CNGB3: variants seen among roughly 807,000 people sequenced by gnomAD.
The protein encoded by CNGB3 is cyclic nucleotide-gated channel beta-3.
In CNGB3, 86 loss-of-function variants were observed where a neutral mutation model predicts 92.8. The ratio of observed to expected loss-of-function variants is 0.93; its 90% CI spans 0.78 to 1.11. The LOEUF (loss-of-function observed/expected upper bound fraction) is 1.11. Among genes scored for constraint, CNGB3 ranks in the 50% least tolerant of loss-of-function variants. CNGB3 has a pLI of 0.00. For synonymous variants in CNGB3, 333 were observed against 332.7 expected (o/e 1.00, Z -0.01); for missense variants, 1,026 against 956.8 (o/e 1.07, Z -0.95).
At chr8:86,603,962 C>T (rs1822361678) in intron 15 of CNGB3, 131 bp downstream of exon 15, 1 of 681,314 alleles carries the variant, frequency 1.5e-6, no homozygotes, top group Non-Finnish European at 2.6e-6. Flanking sequence ...ATATGAAAAT[C>T]CTTATTTTAC....
At chr8:86,588,581 A>G (rs1189016094) in intron 15 of CNGB3, among the ~76,000 whole-genome samples, 1 of 151,572 alleles carries the variant, frequency 6.6e-6, no homozygotes, top group Non-Finnish European at 1.5e-5. Flanking sequence ...CCTTTTCTGC[A>G]TCTATTGAGA....
chr8:86,707,933 G>A (rs1484265710), intron 3 of CNGB3: 1 of 152,254 alleles, frequency 6.6e-6, no homozygotes, highest in Non-Finnish European at 1.5e-5. Flanking sequence ...TGAGCAAAGA[G>A]AAGAATGAAG....
rs571952704 is a variant in CNGB3 at position 86,632,660 on chromosome 8, A to T, written c.1320+92T>A. The stretch of plus-strand genomic sequence containing the variant: ...TAGTTCAAAAAAAGAAGAACCAGAC[A>T]GATTTTAATTTTTCCTCCATAAAGT... On this transcript the variant is annotated intron_variant, in intron 11 of 17. Coordinates refer to ENST00000320005, the MANE Select transcript of CNGB3 (RefSeq NM_019098.5). 5.6e-5 allele frequency: 75 copies of T among 1,335,616 alleles called. No homozygotes were observed. In the African/African-American group the frequency reaches 9.1e-4, roughly 16 times the overall value. The allele number at this position is 1,335,616 out of a possible 1,614,324, so 82.7% of individuals were successfully genotyped here.
At chr8:86,586,996 CTGT>C (rs1183531833) in intron 15 of CNGB3, among the ~76,000 whole-genome samples, 1 of 146,952 alleles carries the variant, frequency 6.8e-6, no homozygotes, top group Non-Finnish European at 1.5e-5. Context: ...TCTCCAGCAC[CTGT>C]TGTTTTCTGA....
At chr8:86,706,757 A>G (rs79636969) in intron 3 of CNGB3, among the ~76,000 whole-genome samples, 1,631 of 152,342 alleles carry the variant, frequency 0.011, 30 homozygotes, top group African/African-American at 0.037. Context: ...AAATCTGGTT[A>G]TCATATGAGT....
In CNGB3 at chr8:86,614,225, G is replaced by C. The variant is rs1822573108; in HGVS notation, c.1579-2554C>G. On this transcript the variant is annotated intron_variant, in intron 13 of 17. Coordinates refer to ENST00000320005, the MANE Select transcript of CNGB3 (RefSeq NM_019098.5). ...TACCTGCTTTATACCACTGCCTCCT[G>C]GTGACCACCGCTCTATGGTACAGCT... Among the ~76,000 whole-genome samples, 5 of 152,038 alleles carry C rather than the reference G, an allele frequency of 3.3e-5. No individual in the cohort carries two copies. The South Asian group carries it at 1.0e-3, about 32-fold the overall frequency.
At chr8:86,611,242 G>A (rs917548112) in intron 14 of CNGB3, among the ~76,000 whole-genome samples, 4 of 152,090 alleles carry the variant, frequency 2.6e-5, no homozygotes, top group Admixed American at 1.3e-4. Context: ...ATATTTTGCC[G>A]AAGACATAAA....
chr8:86,718,215 A>C (rs1157306960), intron 3 of CNGB3, among the ~76,000 whole-genome samples: 1 of 152,132 alleles, frequency 6.6e-6, no homozygotes, highest in Non-Finnish European at 1.5e-5. Context: ...AATACAAAAG[A>C]GATGACACAA....
At chr8:86,680,880 A>G (rs900269658) in intron 3 of CNGB3, among the ~76,000 whole-genome samples, 1 of 152,152 alleles carries the variant, frequency 6.6e-6, no homozygotes, top group African/African-American at 2.4e-5. Flanking sequence ...AGGAAGTTTA[A>G]AAGAACTCCT....
At chr8:86,633,429 G>A (rs1415334414) in intron 10 of CNGB3, among the ~76,000 whole-genome samples, 3 of 152,204 alleles carry the variant, frequency 2.0e-5, no homozygotes, top group African/African-American at 4.8e-5. Flanking sequence ...AGGGTGGCTG[G>A]GTATCTTTTT....
intron 10 of CNGB3, among the ~76,000 whole-genome samples, chr8:86,639,225 G>A (rs1010070347): frequency 4.0e-5 from 6 of 151,800 alleles, no homozygotes; most frequent in Non-Finnish European, 7.4e-5. Context: ...GTGCACAGTG[G>A]GAAATTTATG....
chr8:86,738,169 C>T (rs952522207), intron 2 of CNGB3, among the ~76,000 whole-genome samples: 2 of 150,758 alleles, frequency 1.3e-5, no homozygotes, highest in Non-Finnish European at 2.9e-5. Context: ...TTTAACAAAG[C>T]ATATTCTGTT....
At chr8:86,674,634 C>G (rs1294154940) in intron 3 of CNGB3, among the ~76,000 whole-genome samples, 1 of 152,026 alleles carries the variant, frequency 6.6e-6, no homozygotes, top group Admixed American at 6.6e-5. Flanking sequence ...TGTAACTATG[C>G]TTCATCTGAG....
At chr8:86,616,605 C>T (rs930610374) in intron 13 of CNGB3, among the ~76,000 whole-genome samples, 10 of 152,238 alleles carry the variant, frequency 6.6e-5, no homozygotes, top group African/African-American at 2.4e-4. Flanking sequence ...TATGAAAAGA[C>T]AGGATTGCTT....
intron 8 of CNGB3, among the ~76,000 whole-genome samples, chr8:86,647,534 C>G (rs1284222880): frequency 6.6e-6 from 1 of 150,594 alleles, no homozygotes; most frequent in Non-Finnish European, 1.5e-5. Context: ...TTTAGAAATA[C>G]AAAGCATCCC....
At chr8:86,631,005 A>G (rs1189865423) in intron 11 of CNGB3, among the ~76,000 whole-genome samples, 2 of 152,094 alleles carry the variant, frequency 1.3e-5, no homozygotes, top group Non-Finnish European at 2.9e-5. Flanking sequence ...AGCATCTTTT[A>G]TTCACTATGA....
chr8:86,652,485 TG>T (rs1311307655), intron 7 of CNGB3, among the ~76,000 whole-genome samples: 1 of 152,066 alleles, frequency 6.6e-6, no homozygotes, highest in East Asian at 1.9e-4. Flanking sequence ...TTTACTCTTT[TG>T]TAATAACACT....
intron 3 of CNGB3, among the ~76,000 whole-genome samples, chr8:86,720,968 AATTATT>A (rs1318437151): frequency 6.6e-6 from 1 of 150,856 alleles, no homozygotes; most frequent in Admixed American, 6.6e-5. Context: ...TAATAATAAT[AATTATT>A]ATTATTTTTT....
intron 3 of CNGB3, among the ~76,000 whole-genome samples, chr8:86,682,077 C>T (rs550382249): frequency 6.6e-6 from 1 of 152,082 alleles, no homozygotes; most frequent in Non-Finnish European, 1.5e-5. Flanking sequence ...GCATGCAGAG[C>T]TCTGTAAAAG....
Sources: gnomAD v4.1 joint callset for allele counts (sites outside exome capture counted in the v4.1 genomes callset) on GRCh38, gnomAD v4.1.1 for gene constraint, MANE v1.5 for transcripts, NCBI Gene and HGNC (gene_info 2026-07-23, HGNC 2026-07-21) for gene names.